Variants in SEC24B observed in about 807,000 individuals in gnomAD.
The protein encoded by SEC24B is SEC24 homolog B, COPII component, also known as protein transport protein Sec24B.
SEC24B carries 45 observed loss-of-function variants against 142.8 expected under a neutral mutation model. That is an observed-to-expected ratio of 0.32 (90% CI 0.25 to 0.40). The LOEUF is 0.40. SEC24B is among the 10% of genes least tolerant of loss of function. The pLI is 1.00. For missense variants in SEC24B, 1,409 were observed against 1,526.8 expected (o/e 0.92, Z 1.29); for synonymous variants, 574 against 568.2 (o/e 1.01, Z -0.15).
Position 109,513,739 on chromosome 4 carries a change from T to C in SEC24B, c.1904-8T>C, listed in dbSNP as rs749858056. On this transcript the variant is annotated splice_polypyrimidine_tract_variant and splice_region_variant and intron_variant, in intron 9 of 23. Coordinates refer to ENST00000265175, the MANE Select transcript of SEC24B (RefSeq NM_006323.5). ...GTCTCTAAATTTGTACTGGGACCTC[T>C]TATCTAGTTCCTGAAGAATTTATGT... 8 of 1,544,260 alleles carry C rather than the reference T, an allele frequency of 5.2e-6. No individual in the cohort carries two copies. Among genetic ancestry groups the C allele is most frequent in the Non-Finnish European group, 7.2e-6 (8 of 1,116,730 alleles).
chr4:109,463,247 T>G lies in SEC24B; in HGVS notation c.480T>G (p.Asn160Lys), dbSNP rs773702405. The change falls in exon 2 of 24, where the codon AAT becomes AAG. Residue 160 changes from asparagine to lysine, a missense_variant. By Grantham distance (94) the Asn-to-Lys change is moderately conservative (BLOSUM62 0). Coordinates refer to ENST00000265175, the MANE Select transcript of SEC24B (RefSeq NM_006323.5). The part of the protein sequence containing the change: ...QPYSSFVNHY[N>K]SPAMYSASSS... ...ACTCCTCTTTTGTGAATCACTACAA[T>G]AGTCCAGCCATGTACTCTGCCAGCT... The G allele has an allele frequency of 3.1e-6, 5 of 1,614,162 alleles. No individual in the cohort carries two copies. The East Asian group carries it at 1.1e-4, about 36-fold the overall frequency.
intron 22 of SEC24B, 50 bp from the exon 23 acceptor site, chr4:109,538,443 G>T (rs1230477521): frequency 1.6e-6 from 2 of 1,269,124 alleles, no homozygotes; most frequent in Admixed American, 1.7e-5. Context: ...TTCTATTACT[G>T]CTGAAGTCTA....
intron 1 of SEC24B, among the ~76,000 whole-genome samples, chr4:109,439,737 A>T (rs1728761271): frequency 6.7e-6 from 1 of 149,930 alleles, no homozygotes; most frequent in Non-Finnish European, 1.5e-5. Flanking sequence ...CTGACCTCAG[A>T]TGATCCACCC....
chr4:109,498,879 A>G (rs1483592016), intron 6 of SEC24B, among the ~76,000 whole-genome samples: 1 of 145,724 alleles, frequency 6.9e-6, no homozygotes, highest in East Asian at 2.1e-4. Flanking sequence ...AGGAAAAAAA[A>G]ACACCTTAAA....
At chr4:109,532,204 T>C (rs1038171717) in intron 20 of SEC24B, among the ~76,000 whole-genome samples, 1 of 152,194 alleles carries the variant, frequency 6.6e-6, no homozygotes, top group Middle Eastern at 3.2e-3. Flanking sequence ...GATTATATAG[T>C]AAACCAAATC....
chr4:109,463,905 A>G (rs1413276782), intron 2 of SEC24B, among the ~76,000 whole-genome samples: 2 of 152,174 alleles, frequency 1.3e-5, no homozygotes, highest in African/African-American at 2.4e-5. Flanking sequence ...TACATCTGCA[A>G]TAGTTGTCTT....
At chr4:109,455,920 A>AG (rs556721958) in intron 1 of SEC24B, among the ~76,000 whole-genome samples, 1 of 152,146 alleles carries the variant, frequency 6.6e-6, no homozygotes, top group Non-Finnish European at 1.5e-5. Flanking sequence ...TACAAAAAAA[A>AG]CCTGCTGGTG....
intron 6 of SEC24B, among the ~76,000 whole-genome samples, chr4:109,495,313 C>G (rs1735427179): frequency 6.6e-6 from 1 of 152,180 alleles, no homozygotes; most frequent in Non-Finnish European, 1.5e-5. Context: ...ATGAGAGCCT[C>G]CACACACATA....
chr4:109,518,390 C>T (rs1349250124), intron 11 of SEC24B, among the ~76,000 whole-genome samples: 1 of 152,206 alleles, frequency 6.6e-6, no homozygotes, highest in Admixed American at 6.5e-5. Flanking sequence ...TGGTTCACTA[C>T]TGCAGTGGTT....
chr4:109,476,546 G>A (rs1333255474), intron 3 of SEC24B, among the ~76,000 whole-genome samples: 1 of 124,958 alleles, frequency 8.0e-6, no homozygotes, highest in Non-Finnish European at 1.5e-5. Context: ...ACATAAAGTA[G>A]ATTAGAATTA....
chr4:109,506,077 A>T (rs1034784978), intron 6 of SEC24B, among the ~76,000 whole-genome samples: 5 of 152,182 alleles, frequency 3.3e-5, no homozygotes, highest in African/African-American at 1.2e-4. Context: ...CAGGGAAACC[A>T]AATTGCTCAT....
chr4:109,450,750 C>CTTTTTT (rs766975065), intron 1 of SEC24B: 1 of 118,598 alleles, frequency 8.4e-6, no homozygotes, highest in Non-Finnish European at 1.8e-5. Flanking sequence ...CTGTGCAATT[C>CTTTTTT]TTTTTTTTTT....
At position 109,510,086 on chromosome 4, in the gene SEC24B, T is replaced by G; in HGVS notation, c.1751T>G (p.Leu584Trp). 1 of 1,606,052 alleles carries G rather than the reference T, an allele frequency of 6.2e-7. No individual in the cohort carries two copies. Among genetic ancestry groups the G allele is most frequent in the Non-Finnish European group, 8.5e-7 (1 of 1,174,968 alleles). The change falls in exon 8 of 24, where the codon TTG (leucine) becomes TGG (tryptophan). Residue 584 changes from leucine to tryptophan, a missense_variant. This residue lies in a region of SEC24B where 700 missense variants were observed against 853.3 expected (regional missense o/e 0.82). Transcript: ENST00000265175. ...LNKAKLPLGL[L>W]LHPFRDLTQL... ...AAAGCTAAGCTTCCTTTAGGATTGT[T>G]GTTACATCCCTTCAGAGACCTAACG...
At position 109,490,547 on chromosome 4, in the gene SEC24B, C is replaced by T. The variant is rs565866071; in HGVS notation, c.1166-780C>T. 3.4e-4 allele frequency among the ~76,000 whole-genome samples: 51 copies of T among 152,044 alleles called. 2 individuals carry two copies. In the South Asian group the frequency reaches 4.8e-3, roughly 14 times the overall value. On this transcript the variant is annotated intron_variant, in intron 4 of 23. Transcript: ENST00000265175. ...TTTTTATTTTATTCATCATAATATA[C>T]GCTAGCATACGTACCCAGGATAATT...
intron 2 of SEC24B, among the ~76,000 whole-genome samples, chr4:109,472,146 T>C (rs1456524617): frequency 6.6e-6 from 1 of 152,212 alleles, no homozygotes; most frequent in African/African-American, 2.4e-5. Context: ...GTCTCAGAAC[T>C]AAGGTTGTTT....
intron 6 of SEC24B, among the ~76,000 whole-genome samples, chr4:109,504,981 G>T (rs1026725549): frequency 5.3e-5 from 8 of 152,010 alleles, no homozygotes; most frequent in African/African-American, 1.9e-4. Flanking sequence ...TTGAAAAGGG[G>T]GCTATATTTA....
chr4:109,521,403 G>C lies in SEC24B; in HGVS notation c.2302-17G>C. ...TTGCCTTCTCAGTAATTCAATTTTT[G>C]ATCTTTGTTTTCTCAGCTTATAAAA... On this transcript the variant is annotated splice_polypyrimidine_tract_variant and intron_variant, in intron 13 of 23. Transcript: ENST00000265175. 1.3e-6 allele frequency: 2 copies of C among 1,594,532 alleles called. No homozygotes were observed. The highest frequency in any genetic ancestry group is 1.7e-6 in the Non-Finnish European group (2 of 1,163,264).
At chr4:109,483,040 A>ATGTATT (rs1554001211) in intron 4 of SEC24B, among the ~76,000 whole-genome samples, 1 of 82,970 alleles carries the variant, frequency 1.2e-5, no homozygotes, top group Non-Finnish European at 2.1e-5. Flanking sequence ...GTATTTATAT[A>ATGTATT]TATGTATTTA....
At chr4:109,461,796 T>C (rs1267130139) in intron 1 of SEC24B, among the ~76,000 whole-genome samples, 1 of 152,124 alleles carries the variant, frequency 6.6e-6, no homozygotes, top group Non-Finnish European at 1.5e-5. Flanking sequence ...CTTTTCTAGT[T>C]AGGAAAAATA....
Sources: allele counts gnomAD v4.1 joint callset (sites outside exome capture counted in the v4.1 genomes callset), GRCh38; gene constraint gnomAD v4.1.1; regional missense constraint gnomAD v4.1.1; transcripts MANE v1.5; gene names NCBI Gene and HGNC (gene_info 2026-07-23, HGNC 2026-07-21).